ST3GAL2: variants seen among roughly 807,000 people sequenced by gnomAD.
ST3GAL2 encodes the protein CMP-N-acetylneuraminate-beta-galactosamide-alpha-2,3-sialyltransferase 2.
In ST3GAL2, 16 loss-of-function variants were observed where a neutral mutation model predicts 37.5. That is an observed-to-expected ratio of 0.43 (90% CI 0.29 to 0.65). The LOEUF (loss-of-function observed/expected upper bound fraction) is 0.65, where lower values mean the gene tolerates loss of function less well. Among genes scored for constraint, ST3GAL2 ranks in the 30% least tolerant of loss-of-function variants. The probability of loss-of-function intolerance (pLI) is 0.17; values close to 1 mark genes in which losing one functional copy is unlikely to be tolerated. For missense variants in ST3GAL2, 383 were observed against 487.8 expected (o/e 0.79, Z 2.02); for synonymous variants, 238 against 202.9 (o/e 1.17, Z -1.47).
intron 1 of ST3GAL2, among the ~76,000 whole-genome samples, chr16:70,410,619 CTTATA>C (rs1383862535): frequency 6.6e-6 from 1 of 151,384 alleles, no homozygotes; most frequent in Non-Finnish European, 1.5e-5. Flanking sequence ...AGTGATTAAT[CTTATA>C]TTGTTAGCTT....
intron 1 of ST3GAL2, among the ~76,000 whole-genome samples, chr16:70,401,344 G>C (rs1008404248): frequency 6.6e-6 from 1 of 152,182 alleles, no homozygotes; most frequent in Admixed American, 6.5e-5. Flanking sequence ...CTGCCTGTTA[G>C]GGAGGGGAAA....
At chr16:70,423,348 A>C (rs889244332) in intron 1 of ST3GAL2, among the ~76,000 whole-genome samples, 1 of 152,170 alleles carries the variant, frequency 6.6e-6, no homozygotes. Context: ...GTCTCTACTA[A>C]AAATACAAAA....
rs1597551375 is a variant in ST3GAL2 at position 70,380,045 on chromosome 16, G to A, written c.*1644C>T. 6.6e-6 allele frequency: 1 copy of A among 152,248 alleles called. No individual in the cohort carries two copies. The highest frequency in any genetic ancestry group is 1.5e-5 in the Non-Finnish European group (1 of 68,076). 9.4% of individuals were successfully genotyped at this position (152,248 alleles called of 1,614,324 possible). A position where few individuals can be genotyped will look rare whatever the true frequency, so the allele number is the denominator to read the frequency against. ...ATCAACACTCAAAACAGCCTCTTCAGGAAGCACTGAGATGGGAGTGGCAAG... is the reference window on the plus strand; with the variant it reads ...ATCAACACTCAAAACAGCCTCTTCAAGAAGCACTGAGATGGGAGTGGCAAG... On this transcript the variant is annotated 3_prime_UTR_variant, in exon 7 of 7. Transcript: ENST00000342907.
At chr16:70,385,557 C>A (rs1411569934) in intron 4 of ST3GAL2, among the ~76,000 whole-genome samples, 2 of 151,180 alleles carry the variant, frequency 1.3e-5, no homozygotes, top group Non-Finnish European at 2.9e-5. Flanking sequence ...TTTTACCACA[C>A]AACAAAAATA....
intron 1 of ST3GAL2, among the ~76,000 whole-genome samples, chr16:70,411,451 T>C (rs1342456825): frequency 1.3e-5 from 2 of 151,882 alleles, no homozygotes; most frequent in Non-Finnish European, 2.9e-5. Flanking sequence ...CTCTGTGCCT[T>C]CCTGCCTGGG....
chr16:70,385,469 C>T (rs148275896), intron 4 of ST3GAL2, among the ~76,000 whole-genome samples: 1 of 151,850 alleles, frequency 6.6e-6, no homozygotes, highest in Non-Finnish European at 1.5e-5. Context: ...GATGGCTATA[C>T]AATAATGTGA....
intron 1 of ST3GAL2, among the ~76,000 whole-genome samples, chr16:70,409,061 CTG>C (rs2047617215): frequency 6.6e-6 from 1 of 152,010 alleles, no homozygotes; most frequent in African/African-American, 2.4e-5. Context: ...GGGAGCCCCA[CTG>C]TGTTTTGAGT....
intron 4 of ST3GAL2, among the ~76,000 whole-genome samples, chr16:70,385,698 CTT>C (rs1034830291): frequency 6.9e-4 from 64 of 92,220 alleles, no homozygotes; most frequent in African/African-American, 3.0e-3. Context: ...TTTTTTGGTT[CTT>C]TTTTTTTTTT....
chr16:70,413,225 G>A (rs1475219906), intron 1 of ST3GAL2, among the ~76,000 whole-genome samples: 2 of 151,522 alleles, frequency 1.3e-5, no homozygotes, highest in East Asian at 1.9e-4. Flanking sequence ...ACTCCAGCCT[G>A]GGCAACAAGA....
chr16:70,407,690 C>T (rs1015512549), intron 1 of ST3GAL2, among the ~76,000 whole-genome samples: 2 of 152,074 alleles, frequency 1.3e-5, no homozygotes, highest in South Asian at 2.1e-4. Flanking sequence ...CTCACCAGCA[C>T]GCAGGTAAAT....
intron 1 of ST3GAL2, among the ~76,000 whole-genome samples, chr16:70,428,996 G>A (rs2047770033): frequency 6.6e-6 from 1 of 152,232 alleles, no homozygotes; most frequent in African/African-American, 2.4e-5. Context: ...AAGAAGGGAG[G>A]AAAGAGACCA....
rs146526743 is a variant in ST3GAL2, at chr16:70,408,091, G to A, written c.-1003-8558C>T. Among the ~76,000 whole-genome samples the A allele has an allele frequency of 4.6e-5, 7 of 152,242 alleles. No individual in the cohort carries two copies. In the East Asian group the frequency reaches 1.4e-3, roughly 29 times the overall value. The stretch of plus-strand genomic sequence containing the variant: ...CCACAGCCTACTGCTCCAATGGACC[G>A]ATGCTTTATGAACCTCTGAGCATTT... On this transcript the variant is annotated intron_variant, in intron 1 of 6. Transcript: ENST00000342907.
Position 70,398,510 on chromosome 16 carries a change from C to T in ST3GAL2, c.21G>A (p.Val7=). The change falls in exon 2 of 7, where the codon GTG becomes GTA. Residue 7 remains valine, a synonymous_variant. Coordinates refer to ENST00000342907, the MANE Select transcript of ST3GAL2 (RefSeq NM_006927.4). MKCSLR[V]WFLSVAFLLV... Reference sequence around the variant, plus strand: ...GCAGGAAGGCCACGGAGAGGAACCACACCCGCAGGGAGCACTTCATGGTGC... The same window carrying T: ...GCAGGAAGGCCACGGAGAGGAACCATACCCGCAGGGAGCACTTCATGGTGC... 6.2e-7 allele frequency: 1 copy of T among 1,609,308 alleles called. No individual in the cohort carries two copies. The highest frequency in any genetic ancestry group is 8.5e-7 in the Non-Finnish European group (1 of 1,178,148).
chr16:70,436,423 C>T (rs928288208), intron 1 of ST3GAL2, among the ~76,000 whole-genome samples: 1 of 150,056 alleles, frequency 6.7e-6, no homozygotes, highest in Non-Finnish European at 1.5e-5. Flanking sequence ...TGCACTCCAG[C>T]CTGGGCAACA....
chr16:70,424,735 C>T (rs2047738984), intron 1 of ST3GAL2, among the ~76,000 whole-genome samples: 2 of 152,268 alleles, frequency 1.3e-5, no homozygotes, highest in South Asian at 4.2e-4. Context: ...TTGAAGTGCC[C>T]TTTGATGTAA....
intron 4 of ST3GAL2, among the ~76,000 whole-genome samples, chr16:70,387,436 T>C (rs1048049973): frequency 6.6e-6 from 1 of 151,890 alleles, no homozygotes; most frequent in South Asian, 2.1e-4. Context: ...GTGCCTGTAA[T>C]CCCAGCTACT....
intron 1 of ST3GAL2, among the ~76,000 whole-genome samples, chr16:70,418,627 G>C (rs1334636129): frequency 2.6e-5 from 4 of 152,132 alleles, no homozygotes; most frequent in Non-Finnish European, 5.9e-5. Flanking sequence ...CCTCATCGAA[G>C]TGGGCCCTCC....
Position 70,394,972 on chromosome 16 carries a change from A to C in ST3GAL2, c.533+10T>G, listed in dbSNP as rs1567668212. On this transcript the variant is annotated intron_variant, in intron 3 of 6. Transcript: ENST00000342907. ...TCCTGAGCCCACCCTTGGGCTCCAC[A>C]GGGGCTCACCTCATGATGAAGTTGT... 5 of 1,610,690 alleles carry C rather than the reference A, an allele frequency of 3.1e-6. No homozygotes were observed. The highest frequency in any genetic ancestry group is 2.5e-6 in the Non-Finnish European group (3 of 1,178,958).
At chr16:70,437,340 T>C (rs1329978589) in intron 1 of ST3GAL2, among the ~76,000 whole-genome samples, 1 of 152,100 alleles carries the variant, frequency 6.6e-6, no homozygotes, top group African/African-American at 2.4e-5. Context: ...GGGGGAGGGC[T>C]GGGAAGGGGG....
Sources: gnomAD v4.1 joint callset for allele counts (sites outside exome capture counted in the v4.1 genomes callset) on GRCh38, gnomAD v4.1.1 for gene constraint, MANE v1.5 for transcripts, NCBI Gene and HGNC (gene_info 2026-07-23, HGNC 2026-07-21) for gene names.